Variants in MAP4K5 observed in about 807,000 individuals in gnomAD.
MAP4K5 encodes MAPK/ERK kinase kinase kinase 5.
Under a neutral mutation model 135.6 loss-of-function variants are expected in MAP4K5, and 82 were observed. The ratio of observed to expected loss-of-function variants is 0.60; its 90% CI spans 0.51 to 0.73. MAP4K5 has a LOEUF of 0.73. MAP4K5 is among the 30% of genes least tolerant of loss of function. The probability of loss-of-function intolerance (pLI) is 0.00; values close to 1 mark genes in which losing one functional copy is unlikely to be tolerated. For synonymous variants in MAP4K5, 347 were observed against 335.0 expected, an observed-to-expected ratio of 1.04 and a Z score of -0.39; for missense variants, 907 against 1,010.9, an observed-to-expected ratio of 0.90 and a Z score of 1.39.
chr14:50,553,533 AAC>A (rs2140163492), intron 1 of MAP4K5, among the ~76,000 whole-genome samples: 2 of 152,296 alleles, frequency 1.3e-5, no homozygotes, highest in Admixed American at 1.3e-4. Context: ...CACTACGGAA[AAC>A]AGTATGGATA....
intron 3 of MAP4K5, among the ~76,000 whole-genome samples, chr14:50,499,031 T>C (rs571731575): frequency 2.8e-4 from 43 of 152,208 alleles, no homozygotes; most frequent in African/African-American, 9.9e-4. Context: ...AACCTAAAGA[T>C]ACCCTTAAGT....
chr14:50,509,639 T>C (rs1219571623), intron 2 of MAP4K5, among the ~76,000 whole-genome samples: 1 of 151,520 alleles, frequency 6.6e-6, no homozygotes, highest in African/African-American at 2.4e-5. Context: ...AGTAGCCTTC[T>C]AATATGTTTA....
In MAP4K5 at chr14:50,468,634, A is replaced by G. The variant is rs1246582703; in HGVS notation, c.674+17T>C. 4 of 1,611,664 alleles carry G rather than the reference A, an allele frequency of 2.5e-6. No homozygotes were observed. In the African/African-American group the frequency reaches 4.0e-5, roughly 16 times the overall value. On this transcript the variant is annotated intron_variant, in intron 10 of 32. Coordinates refer to ENST00000682126, the MANE Select transcript of MAP4K5 (RefSeq NM_006575.6). The stretch of plus-strand genomic sequence containing the variant: ...AGACTTGATCAATAACTGGATAATT[A>G]TAAATAATGAGAACACCTCATTGGG...
chr14:50,538,380 A>G (rs1289413558), intron 2 of MAP4K5, among the ~76,000 whole-genome samples: 1 of 152,224 alleles, frequency 6.6e-6, no homozygotes, highest in Non-Finnish European at 1.5e-5. Flanking sequence ...AAAATGGACT[A>G]ATACAGTTAA....
At chr14:50,551,575 A>C (rs2038703274) in intron 1 of MAP4K5, among the ~76,000 whole-genome samples, 1 of 152,162 alleles carries the variant, frequency 6.6e-6, no homozygotes, top group Non-Finnish European at 1.5e-5. Flanking sequence ...ATAACAAAAA[A>C]AGAAAACTAC....
chr14:50,553,701 T>C (rs936364910), intron 1 of MAP4K5, among the ~76,000 whole-genome samples: 1 of 152,174 alleles, frequency 6.6e-6, no homozygotes, highest in Non-Finnish European at 1.5e-5. Context: ...GGAACCAAGC[T>C]AAATGCCCAT....
intron 2 of MAP4K5, among the ~76,000 whole-genome samples, chr14:50,506,611 G>C (rs79892397): frequency 0.018 from 2,689 of 152,224 alleles, 80 homozygotes; most frequent in African/African-American, 0.06. Context: ...GCCCATCTTG[G>C]CCTCCTGAAG....
Position 50,462,722 on chromosome 14 carries a change from T to G in MAP4K5, c.879A>C (p.Lys293Asn). Reference sequence around the variant, plus strand: ...GTGCGTGGTTATCTGGATTGTTCACTTTGTCTAACAGTTCAACTGCTAGGG... The same window carrying G: ...GTGCGTGGTTATCTGGATTGTTCACGTTGTCTAACAGTTCAACTGCTAGGG... Reference protein sequence around the residue: ...SRALAVELLDKVNNPDNHAHY... With the variant: ...SRALAVELLDNVNNPDNHAHY... The change falls in exon 13 of 33, where the codon AAA becomes AAC. Residue 293 changes from lysine (K) to asparagine (N), a missense_variant. Lys to Asn is a moderately conservative substitution (Grantham distance 94, BLOSUM62 0). Transcript: ENST00000682126. 6.2e-7 allele frequency: 1 copy of G among 1,604,164 alleles called. No individual in the cohort carries two copies. The highest frequency in any genetic ancestry group is 8.5e-7 in the Non-Finnish European group (1 of 1,177,394).
chr14:50,446,061 A>T lies in MAP4K5; in HGVS notation c.1185+18T>A, dbSNP rs1366184866. The T allele has an allele frequency of 6.6e-7, 1 of 1,504,550 alleles. No individual in the cohort carries two copies. Among genetic ancestry groups the T allele is most frequent in the Non-Finnish European group, 8.9e-7 (1 of 1,123,310 alleles). 93.2% of individuals were successfully genotyped at this position (1,504,550 alleles called of 1,614,324 possible). A position where few individuals can be genotyped will look rare whatever the true frequency, so the allele number is the denominator to read the frequency against. On this transcript the variant is annotated intron_variant, in intron 17 of 32. Transcript: ENST00000682126. ...ATTTAAATAAGGATTTAGTGTTCAA[A>T]ATCATTAAGTAGCTCACCTTAGGAG...
chr14:50,461,449 AAGAGACAAATTC>A (rs1321774808), intron 13 of MAP4K5, among the ~76,000 whole-genome samples: 1 of 152,188 alleles, frequency 6.6e-6, no homozygotes, highest in Non-Finnish European at 1.5e-5. Context: ...AAAGGACATG[AAGAGACAAATTC>A]AGAAAAACTT....
At position 50,462,772 on chromosome 14, in the gene MAP4K5, CA is replaced by C. The variant is rs748826848; in HGVS notation, c.828del (p.Phe276LeufsTer11). ...PTAERLLTHT[F>X]VAQPGLSRAL... ...GCTCTAGAGAGACCTGGCTGTGCAA[CA>C]AAAGTGTGCTAAAAGACAACAAAAT... On this transcript the variant is annotated frameshift_variant, in exon 13 of 33. Transcript: ENST00000682126. LOFTEE classifies it high-confidence loss of function. The C allele has an allele frequency of 6.2e-7, 1 of 1,603,348 alleles. No homozygotes were observed. Among genetic ancestry groups the C allele is most frequent in the Non-Finnish European group, 8.5e-7 (1 of 1,171,580 alleles).
intron 3 of MAP4K5, among the ~76,000 whole-genome samples, chr14:50,503,054 A>T (rs2037740164): frequency 6.6e-6 from 1 of 152,008 alleles, no homozygotes; most frequent in African/African-American, 2.4e-5. Flanking sequence ...AGGACTGACA[A>T]ATTTGTCGGA....
intron 6 of MAP4K5, among the ~76,000 whole-genome samples, chr14:50,481,097 C>T (rs1437435838): frequency 2.0e-5 from 3 of 150,996 alleles, no homozygotes; most frequent in African/African-American, 4.9e-5. Context: ...CTACTCAGTA[C>T]TTTGTTTAAT....
intron 2 of MAP4K5, among the ~76,000 whole-genome samples, chr14:50,514,187 C>T (rs1352940122): frequency 3.9e-5 from 6 of 152,112 alleles, no homozygotes; most frequent in African/African-American, 1.4e-4. Context: ...AAGCAATTCT[C>T]GTGCCTCAGC....
At chr14:50,455,994 T>C (rs774305679) in intron 14 of MAP4K5, among the ~76,000 whole-genome samples, 1 of 152,144 alleles carries the variant, frequency 6.6e-6, no homozygotes, top group Non-Finnish European at 1.5e-5. Flanking sequence ...TTAGTGCTAA[T>C]CTGATTTTTA....
intron 8 of MAP4K5, among the ~76,000 whole-genome samples, chr14:50,475,790 C>T (rs2139874040): frequency 6.6e-6 from 1 of 152,236 alleles, no homozygotes; most frequent in South Asian, 2.1e-4. Context: ...ATTTAACACA[C>T]CAGATGTTAC....
At chr14:50,527,268 G>A (rs530548901) in intron 2 of MAP4K5, among the ~76,000 whole-genome samples, 1 of 152,282 alleles carries the variant, frequency 6.6e-6, no homozygotes, top group South Asian at 2.1e-4. Flanking sequence ...GAACCAGGGA[G>A]TCAGGAGGTT....
At chr14:50,429,042 C>T (rs1051330924) in intron 29 of MAP4K5, 150 bp downstream of exon 29, 1 of 577,756 alleles carries the variant, frequency 1.7e-6, no homozygotes, top group East Asian at 2.9e-5. Flanking sequence ...ACTATTTAGC[C>T]ATAAGAGGTG....
At chr14:50,517,489 T>G (rs1177468678) in intron 2 of MAP4K5, among the ~76,000 whole-genome samples, 1 of 150,536 alleles carries the variant, frequency 6.6e-6, no homozygotes, top group Admixed American at 6.6e-5. Flanking sequence ...ATGTTGAGGC[T>G]GGGCATGGTG....
Sources: gnomAD v4.1 joint callset for allele counts (sites outside exome capture counted in the v4.1 genomes callset) on GRCh38, gnomAD v4.1.1 for gene constraint, MANE v1.5 for transcripts, NCBI Gene and HGNC (gene_info 2026-07-23, HGNC 2026-07-21) for gene names.